HECTD2: variants seen among roughly 807,000 people sequenced by gnomAD.
HECTD2 encodes HECT domain E3 ubiquitin protein ligase 2, also known as probable E3 ubiquitin-protein ligase HECTD2.
A neutral mutation model predicts 103.2 loss-of-function variants in HECTD2; 35 were observed. The observed-to-expected ratio is 0.34, with a 90% CI of 0.26 to 0.45. HECTD2 has a LOEUF of 0.45. HECTD2 is among the 20% of genes least tolerant of loss of function. The probability of loss-of-function intolerance (pLI) is 1.00; values close to 1 mark genes in which losing one functional copy is unlikely to be tolerated. For synonymous variants in HECTD2, 281 were observed against 329.9 expected (o/e 0.85, Z 1.61); for missense variants, 596 against 937.4 (o/e 0.64, Z 4.76).
chr10:91,473,673 G>A (rs1187056506), intron 5 of HECTD2, among the ~76,000 whole-genome samples: 1 of 152,116 alleles, frequency 6.6e-6, no homozygotes, highest in Non-Finnish European at 1.5e-5. Context: ...AGAGGATAAA[G>A]ACCTTTATGA....
chr10:91,504,051 C>T (rs1351583641), intron 20 of HECTD2, among the ~76,000 whole-genome samples: 1 of 152,116 alleles, frequency 6.6e-6, no homozygotes, highest in Non-Finnish European at 1.5e-5. Context: ...CTCCAACAGA[C>T]CTGCACCTGA....
chr10:91,457,145 T>C (rs944464174), intron 2 of HECTD2, among the ~76,000 whole-genome samples: 2 of 152,078 alleles, frequency 1.3e-5, no homozygotes, highest in Admixed American at 1.3e-4. Flanking sequence ...TGCCTCGTTT[T>C]ATAACCACTA....
chr10:91,493,742 GTTCT>G (rs931368025), intron 14 of HECTD2, among the ~76,000 whole-genome samples: 1 of 151,758 alleles, frequency 6.6e-6, no homozygotes, highest in Non-Finnish European at 1.5e-5. Context: ...AATAAAAATG[GTTCT>G]TTCCTATTTC....
intron 2 of HECTD2, among the ~76,000 whole-genome samples, chr10:91,452,951 T>C (rs1218943075): frequency 2.6e-5 from 4 of 152,174 alleles, no homozygotes; most frequent in Non-Finnish European, 5.9e-5. Context: ...AAAGGAGTTC[T>C]CTAAACAGAA....
intron 5 of HECTD2, among the ~76,000 whole-genome samples, chr10:91,467,261 T>C (rs1484712476): frequency 6.6e-6 from 1 of 152,138 alleles, no homozygotes; most frequent in African/African-American, 2.4e-5. Flanking sequence ...GGTGAACTGC[T>C]TACACATGTG....
intron 6 of HECTD2, 144 bp downstream of exon 6, chr10:91,478,409 G>A: frequency 3.4e-6 from 2 of 583,886 alleles, no homozygotes; most frequent in South Asian, 2.3e-5. Context: ...AGAATTATAA[G>A]CCATTTACAA....
Position 91,514,381 on chromosome 10 carries a change from A to C in HECTD2, c.*1997A>C, listed in dbSNP as rs1168116270. ...GTTAAGTTGAAATGTATAATCATTT[A>C]TCACTAAATTGCACATTGCCTTTAT... On this transcript the variant is annotated 3_prime_UTR_variant, in exon 21 of 21. Transcript: ENST00000298068. 2 of 152,684 alleles carry C rather than the reference A, an allele frequency of 1.3e-5. No individual in the cohort carries two copies. Among genetic ancestry groups the C allele is most frequent in the East Asian group, 1.9e-4 (1 of 5,202 alleles). 9.5% of individuals were successfully genotyped at this position (152,684 alleles called of 1,614,324 possible).
intron 1 of HECTD2, among the ~76,000 whole-genome samples, chr10:91,414,072 G>C (rs1843025482): frequency 6.6e-6 from 1 of 152,104 alleles, no homozygotes; most frequent in East Asian, 1.9e-4. Flanking sequence ...GCTTAGAGGT[G>C]GGGCAGAAAT....
rs936776573 is a variant in HECTD2 at position 91,512,473 on chromosome 10, C to T, written c.*89C>T. The T allele has an allele frequency of 6.7e-6, 8 of 1,199,210 alleles. No homozygotes were observed. The African/African-American group carries it at 1.1e-4, about 16-fold the overall frequency. The allele number at this position is 1,199,210 out of a possible 1,614,324, so 74.3% of individuals were successfully genotyped here. A position where few individuals can be genotyped will look rare whatever the true frequency, so the allele number is the denominator to read the frequency against. On this transcript the variant is annotated 3_prime_UTR_variant, in exon 21 of 21. Transcript: ENST00000298068. ...GCCTTTTCATGTTTCTGTCTCAAAA[C>T]ACTTTGACAAAGCTCACCAACTTTA...
intron 15 of HECTD2, 38 bp downstream of exon 15, chr10:91,496,410 G>A (rs367694159): frequency 1.6e-4 from 229 of 1,469,594 alleles, no homozygotes; most frequent in Non-Finnish European, 2.0e-4. Flanking sequence ...CCTTTAATGC[G>A]AAATCATCTT....
Position 91,495,230 on chromosome 10 carries a change from G to A in HECTD2, c.1522-984G>A, listed in dbSNP as rs140859695. 3.2e-3 allele frequency among the ~76,000 whole-genome samples: 486 copies of A among 152,026 alleles called. 3 individuals are homozygous for A. The highest frequency in any genetic ancestry group is 4.9e-3 in the Non-Finnish European group (331 of 67,852). On this transcript the variant is annotated intron_variant, in intron 14 of 20. Coordinates refer to ENST00000298068, the MANE Select transcript of HECTD2 (RefSeq NM_182765.6). ...GAGTTGGGAACTGAAATTTGAGAAA[G>A]AACAGGTATGAACATTGAGAAAATA...
At chr10:91,472,476 A>G (rs938956586) in intron 5 of HECTD2, among the ~76,000 whole-genome samples, 3 of 152,210 alleles carry the variant, frequency 2.0e-5, no homozygotes, top group African/African-American at 7.2e-5. Context: ...TAAACTGAAG[A>G]GCTTCTGCAT....
intron 2 of HECTD2, among the ~76,000 whole-genome samples, chr10:91,455,962 T>A (rs1481524482): frequency 6.6e-6 from 1 of 152,270 alleles, no homozygotes; most frequent in South Asian, 2.1e-4. Flanking sequence ...ACCATGCTGT[T>A]TTGGTTACTG....
chr10:91,491,350 C>G (rs759097626), intron 12 of HECTD2, 43 bp downstream of exon 12: 34 of 876,878 alleles, frequency 3.9e-5, no homozygotes, highest in African/African-American at 5.4e-5. Flanking sequence ...GCTTAAAATT[C>G]TATAATATGA....
chr10:91,467,765 G>A (rs891825280), intron 5 of HECTD2, among the ~76,000 whole-genome samples: 5 of 151,994 alleles, frequency 3.3e-5, no homozygotes, highest in Admixed American at 6.6e-5. Context: ...GTATGTGTGC[G>A]TACCCCACCA....
At chr10:91,505,909 C>T (rs1342815437) in intron 20 of HECTD2, among the ~76,000 whole-genome samples, 1 of 152,220 alleles carries the variant, frequency 6.6e-6, no homozygotes, top group Admixed American at 6.5e-5. Flanking sequence ...AGAACAGACA[C>T]TATAACAAAC....
At chr10:91,428,452 A>G (rs373726577) in intron 2 of HECTD2, among the ~76,000 whole-genome samples, 1 of 151,860 alleles carries the variant, frequency 6.6e-6, no homozygotes, top group Non-Finnish European at 1.5e-5. Context: ...CATTGAATCT[A>G]TAAATTACCT....
rs571554725 is a variant in HECTD2, at chr10:91,455,167, C to A, written c.269-5260C>A. On this transcript the variant is annotated intron_variant, in intron 2 of 20. Transcript: ENST00000298068. ...CACACTGTCTTCCACAATGGTTGAA[C>A]TAGTTTACAGTCCCACAAACAGGGT... Among the ~76,000 whole-genome samples, 16 of 152,282 alleles carry A rather than the reference C, an allele frequency of 1.1e-4. No individual in the cohort carries two copies. In the East Asian group the frequency reaches 2.3e-3, roughly 22 times the overall value.
Position 91,439,068 on chromosome 10 carries a change from C to A in HECTD2, c.268+13658C>A, listed in dbSNP as rs536171723. 3.3e-5 allele frequency among the ~76,000 whole-genome samples: 5 copies of A among 152,226 alleles called. No individual in the cohort carries two copies. The South Asian group carries it at 8.3e-4, about 25-fold the overall frequency. On this transcript the variant is annotated intron_variant, in intron 2 of 20. Coordinates refer to ENST00000298068, the MANE Select transcript of HECTD2 (RefSeq NM_182765.6). ...GATAGTTTCTTTTGCTGTGCAGGAG[C>A]TGTTTAGTTTAATTAGATGCCATTT...
Sources: allele counts gnomAD v4.1 joint callset (sites outside exome capture counted in the v4.1 genomes callset), GRCh38; gene constraint gnomAD v4.1.1; transcripts MANE v1.5; gene names NCBI Gene and HGNC (gene_info 2026-07-23, HGNC 2026-07-21).